Variants in DOP1B observed in about 807,000 individuals in gnomAD.
The protein encoded by DOP1B is DOP1 leucine zipper like protein B.
In DOP1B, 174 loss-of-function variants were observed where a neutral mutation model predicts 233.5. That is an observed-to-expected ratio of 0.75 (90% CI 0.66 to 0.85). The LOEUF is 0.85. Ranked by LOEUF, DOP1B falls within the 40% of genes least tolerant of loss-of-function variation. The pLI, the probability that DOP1B is intolerant of heterozygous loss-of-function variation, is 0.00. For missense variants in DOP1B, 2,652 were observed against 2,846.6 expected, an observed-to-expected ratio of 0.93 and a Z score of 1.56; for synonymous variants, 1,190 against 1,185.6, an observed-to-expected ratio of 1.00 and a Z score of -0.08.
At chr21:36,198,680 CG>C (rs1165689841) in intron 2 of DOP1B, among the ~76,000 whole-genome samples, 2 of 151,930 alleles carry the variant, frequency 1.3e-5, no homozygotes, top group Non-Finnish European at 2.9e-5. Flanking sequence ...CTGGAGAACA[CG>C]GGTTCCTCCC....
At chr21:36,239,679 G>T (rs2066869903) in intron 17 of DOP1B, 86 bp from the exon 18 acceptor site, 3 of 1,416,336 alleles carry the variant, frequency 2.1e-6, no homozygotes, top group Non-Finnish European at 2.8e-6. Context: ...CCTGTGTTGG[G>T]TGACGCCCTA....
At chr21:36,169,006 G>A (rs749212404) in intron 2 of DOP1B, 47 of 783,236 alleles carry the variant, frequency 6.0e-5, no homozygotes, top group South Asian at 2.0e-4. Flanking sequence ...GGTCTTTCTC[G>A]AGTGGTCCCA....
At chr21:36,277,565 C>G (rs111726263) in intron 28 of DOP1B, among the ~76,000 whole-genome samples, 19,148 of 151,832 alleles carry the variant, frequency 0.13, 1,405 homozygotes, top group East Asian at 0.35. Context: ...ACAGGCGTGA[C>G]CCACCGCTCC....
chr21:36,207,149 GTTC>G (rs1428135032), intron 4 of DOP1B, among the ~76,000 whole-genome samples: 1 of 149,960 alleles, frequency 6.7e-6, no homozygotes, highest in Non-Finnish European at 1.5e-5. Flanking sequence ...CATTAGGTCT[GTTC>G]TTCTGGGTTG....
chr21:36,166,250 C>T (rs13052885), intron 2 of DOP1B, among the ~76,000 whole-genome samples: 112,371 of 150,846 alleles, frequency 0.74, 42,122 homozygotes, highest in East Asian at 0.85. Flanking sequence ...TCCTGGCTAA[C>T]GCGGTGAAAC....
At chr21:36,176,924 T>C (rs1346503106) in intron 2 of DOP1B, among the ~76,000 whole-genome samples, 1 of 152,166 alleles carries the variant, frequency 6.6e-6, no homozygotes, top group Non-Finnish European at 1.5e-5. Context: ...GTTCAAGTGA[T>C]TCTCCTGCCC....
intron 15 of DOP1B, among the ~76,000 whole-genome samples, chr21:36,236,530 ACTCCCCAGAGGGTACATC>A (rs2066828652): frequency 6.6e-6 from 1 of 151,948 alleles, no homozygotes; most frequent in African/African-American, 2.4e-5. Context: ...AATTCACCAA[ACTCCCCAGAGGGTACATC>A]TGTGCATTCC....
At position 36,221,072 on chromosome 21, in the gene DOP1B, A is replaced by T. The variant is rs540262528; in HGVS notation, c.1250+1580A>T. Among the ~76,000 whole-genome samples the T allele has an allele frequency of 6.7e-4, 102 of 152,110 alleles. No homozygotes were observed. The South Asian group carries it at 0.014, about 20-fold the overall frequency. On this transcript the variant is annotated intron_variant, in intron 10 of 36. Transcript: ENST00000691173. ...GCAGTCCTCCTGCCTCAGCCTCCCAAACTGCTGGGACTACAGGTGTGAGCC... is the reference window on the plus strand; with the variant it reads ...GCAGTCCTCCTGCCTCAGCCTCCCATACTGCTGGGACTACAGGTGTGAGCC...
chr21:36,162,696 T>C (rs2065879235), intron 1 of DOP1B, among the ~76,000 whole-genome samples: 3 of 152,066 alleles, frequency 2.0e-5, no homozygotes, highest in Non-Finnish European at 4.4e-5. Flanking sequence ...TGTGCCACCA[T>C]GCCCAGCTAT....
intron 2 of DOP1B, 134 bp downstream of exon 2, chr21:36,165,005 CTT>C: frequency 1.4e-6 from 1 of 704,482 alleles, no homozygotes; most frequent in Non-Finnish European, 1.9e-6. Flanking sequence ...ACAGTATAAT[CTT>C]TATATTATTT....
intron 32 of DOP1B, among the ~76,000 whole-genome samples, chr21:36,287,464 AG>A (rs775037999): frequency 6.6e-6 from 1 of 151,572 alleles, no homozygotes; most frequent in African/African-American, 2.4e-5. Context: ...CAGCTGTGGC[AG>A]GGGGACGGCC....
At position 36,263,510 on chromosome 21, in the gene DOP1B, G is replaced by A. The variant is rs942370304; in HGVS notation, c.5316-36G>A. The stretch of plus-strand genomic sequence containing the variant: ...TAAATAAATGTATTTTGACTTGTTC[G>A]TGGTTGAGTATTTTTCCTATCTTTT... On this transcript the variant is annotated intron_variant, in intron 24 of 36. Coordinates refer to ENST00000691173, the MANE Select transcript of DOP1B (RefSeq NM_001320714.2). 1.3e-5 allele frequency: 21 copies of A among 1,556,964 alleles called. No homozygotes were observed. In the Admixed American group the frequency reaches 2.2e-4, roughly 16 times the overall value.
rs1342417672 is a variant in DOP1B, at chr21:36,158,125, A to G, written c.-27+1182A>G. ...TGAATTTGATTTTCTATGAAATTAA[A>G]AATGGGTAAAGAGAGAGATTTCTTG... On this transcript the variant is annotated intron_variant, in intron 1 of 36. Transcript: ENST00000691173. Among the ~76,000 whole-genome samples, 3 of 152,202 alleles carry G rather than the reference A, an allele frequency of 2.0e-5. No homozygotes were observed. The East Asian group carries it at 5.8e-4, about 29-fold the overall frequency.
chr21:36,210,757 A>G (rs1047717813), intron 5 of DOP1B, among the ~76,000 whole-genome samples: 9 of 152,218 alleles, frequency 5.9e-5, no homozygotes, highest in Non-Finnish European at 2.9e-5. Flanking sequence ...GGTTGCAGTG[A>G]GTCAAGATCA....
intron 30 of DOP1B, among the ~76,000 whole-genome samples, chr21:36,278,819 A>G (rs1349234545): frequency 6.6e-6 from 1 of 152,206 alleles, no homozygotes; most frequent in Non-Finnish European, 1.5e-5. Flanking sequence ...CAGTGAGTCA[A>G]GATCCCACCA....
At chr21:36,176,501 C>T (rs1487879022) in intron 2 of DOP1B, among the ~76,000 whole-genome samples, 1 of 148,180 alleles carries the variant, frequency 6.7e-6, no homozygotes, top group Non-Finnish European at 1.5e-5. Flanking sequence ...AAATTTGGGG[C>T]TATGATTTTA....
chr21:36,176,575 C>T (rs748299886), intron 2 of DOP1B, among the ~76,000 whole-genome samples: 2 of 152,038 alleles, frequency 1.3e-5, no homozygotes, highest in East Asian at 1.9e-4. Context: ...GTGGAGGTGG[C>T]CAGGTAAGTG....
chr21:36,283,626 G>T (rs956297948), intron 32 of DOP1B, among the ~76,000 whole-genome samples: 2 of 152,206 alleles, frequency 1.3e-5, no homozygotes, highest in East Asian at 1.9e-4. Context: ...GATTTAATCA[G>T]ACGGTAACCA....
chr21:36,176,740 G>A (rs2066036624), intron 2 of DOP1B, among the ~76,000 whole-genome samples: 1 of 152,152 alleles, frequency 6.6e-6, no homozygotes, highest in Admixed American at 6.5e-5. Context: ...GCATCCATTT[G>A]TCTCTGGCAG....
Sources: allele counts gnomAD v4.1 joint callset (sites outside exome capture counted in the v4.1 genomes callset), GRCh38; gene constraint gnomAD v4.1.1; transcripts MANE v1.5; gene names NCBI Gene and HGNC (gene_info 2026-07-23, HGNC 2026-07-21).